The following KCNIP4 variants were observed in gnomAD, a reference collection of about 807,000 sequenced individuals.
The protein encoded by KCNIP4 is Kv channel-interacting protein 4.
A neutral mutation model predicts 34.0 loss-of-function variants in KCNIP4; 12 were observed. The ratio of observed to expected loss-of-function variants is 0.35; its 90% CI spans 0.23 to 0.57. KCNIP4 has a LOEUF of 0.57. KCNIP4 is among the 20% of genes least tolerant of loss of function. The pLI is 0.83. For synonymous variants in KCNIP4, 124 were observed against 102.2 expected, an observed-to-expected ratio of 1.21 and a Z score of -1.29; for missense variants, 238 against 311.7, an observed-to-expected ratio of 0.76 and a Z score of 1.78.
At chr4:20,973,997 T>TA (rs1465450646) in intron 1 of KCNIP4, among the ~76,000 whole-genome samples, 3 of 152,042 alleles carry the variant, frequency 2.0e-5, no homozygotes, top group Non-Finnish European at 2.9e-5. Flanking sequence ...TGAAATACCG[T>TA]AAAAAATTCC....
chr4:21,613,188 A>C (rs965445721), intron 1 of KCNIP4: 1 of 152,248 alleles, frequency 6.6e-6, no homozygotes, highest in Non-Finnish European at 1.5e-5. Context: ...TCCTACACCC[A>C]TGCCCTTGGA....
At chr4:21,154,193 C>T (rs115485579) in intron 1 of KCNIP4, among the ~76,000 whole-genome samples, 2,867 of 152,240 alleles carry the variant, frequency 0.019, 56 homozygotes, top group Non-Finnish European at 0.026. Flanking sequence ...TATCAATTCT[C>T]AGTTCACCAC....
At chr4:20,775,249 GCTC>G (rs1418374821) in intron 3 of KCNIP4, among the ~76,000 whole-genome samples, 1 of 152,186 alleles carries the variant, frequency 6.6e-6, no homozygotes, top group African/African-American at 2.4e-5. Flanking sequence ...AAAATCTTGT[GCTC>G]CTATCTCCAA....
intron 1 of KCNIP4, among the ~76,000 whole-genome samples, chr4:21,427,551 G>T (rs575237735): frequency 6.6e-6 from 1 of 152,240 alleles, no homozygotes; most frequent in Non-Finnish European, 1.5e-5. Flanking sequence ...CAGGGAGCAG[G>T]CTTGGTCTTC....
At chr4:20,785,589 G>A (rs1711874881) in intron 3 of KCNIP4, among the ~76,000 whole-genome samples, 2 of 152,086 alleles carry the variant, frequency 1.3e-5, no homozygotes, top group Non-Finnish European at 2.9e-5. Context: ...TCTAAGATCA[G>A]TGATGCTATT....
chr4:21,887,352 CAGAA>C (rs1372557121), intron 1 of KCNIP4, among the ~76,000 whole-genome samples: 10 of 152,050 alleles, frequency 6.6e-5, no homozygotes, highest in African/African-American at 2.4e-4. Context: ...TGGAGGGGCG[CAGAA>C]AGAGTTAGCT....
intron 1 of KCNIP4, among the ~76,000 whole-genome samples, chr4:21,685,153 T>C (rs1332424204): frequency 1.3e-5 from 2 of 152,198 alleles, no homozygotes; most frequent in African/African-American, 4.8e-5. Context: ...TTGAACATTT[T>C]AAAATCAATA....
At chr4:21,371,638 A>T (rs1227739837) in intron 1 of KCNIP4, among the ~76,000 whole-genome samples, 1 of 147,192 alleles carries the variant, frequency 6.8e-6, no homozygotes, top group Non-Finnish European at 1.5e-5. Context: ...TGTTCTCACT[A>T]AATGTTAGTT....
chr4:21,457,545 C>A (rs1261064263), intron 1 of KCNIP4, among the ~76,000 whole-genome samples: 2 of 152,018 alleles, frequency 1.3e-5, no homozygotes, highest in Non-Finnish European at 2.9e-5. Context: ...CATAGCTCTT[C>A]TGGTATTGGG....
intron 1 of KCNIP4, among the ~76,000 whole-genome samples, chr4:21,332,583 C>A (rs1052607149): frequency 5.3e-5 from 8 of 152,110 alleles, no homozygotes; most frequent in African/African-American, 1.9e-4. Flanking sequence ...GGCACAGCAA[C>A]CCTGACTTGG....
chr4:21,203,759 T>C (rs764795344), intron 1 of KCNIP4, among the ~76,000 whole-genome samples: 1 of 152,244 alleles, frequency 6.6e-6, no homozygotes, highest in African/African-American at 2.4e-5. Flanking sequence ...CTATGTCTTA[T>C]GAATGTCTTA....
chr4:21,400,552 TC>T (rs755744210), intron 1 of KCNIP4, among the ~76,000 whole-genome samples: 3,661 of 112,256 alleles, frequency 0.033, 113 homozygotes, highest in Non-Finnish European at 0.047. Context: ...TCTCTTCTCT[TC>T]TCTTCTCTTC....
At chr4:20,843,840 C>T (rs947474222) in intron 3 of KCNIP4, among the ~76,000 whole-genome samples, 6 of 152,152 alleles carry the variant, frequency 3.9e-5, no homozygotes, top group Non-Finnish European at 7.3e-5. Flanking sequence ...TGATTTTTGC[C>T]ATTGAAAGTA....
chr4:21,569,566 G>C (rs910098141), intron 1 of KCNIP4, among the ~76,000 whole-genome samples: 3 of 152,062 alleles, frequency 2.0e-5, no homozygotes, highest in African/African-American at 7.2e-5. Context: ...AGCACTATGA[G>C]AGGATAAAAG....
At chr4:21,820,769 GT>G (rs915279193) in intron 1 of KCNIP4, among the ~76,000 whole-genome samples, 6 of 152,174 alleles carry the variant, frequency 3.9e-5, no homozygotes, top group Non-Finnish European at 8.8e-5. Context: ...GATCATTAAA[GT>G]TTTTTCTTCT....
chr4:21,803,589 T>C (rs1441311191), intron 1 of KCNIP4, among the ~76,000 whole-genome samples: 1 of 152,146 alleles, frequency 6.6e-6, no homozygotes, highest in East Asian at 1.9e-4. Context: ...TACCCTGCCC[T>C]CTATTGCTAC....
intron 3 of KCNIP4, among the ~76,000 whole-genome samples, chr4:20,798,451 C>A (rs549712094): frequency 1.3e-5 from 2 of 152,106 alleles, no homozygotes; most frequent in East Asian, 3.9e-4. Flanking sequence ...CTTGGAGTGA[C>A]ATCAACAAGA....
At chr4:21,330,286 A>C (rs1296186807) in intron 1 of KCNIP4, among the ~76,000 whole-genome samples, 1 of 152,196 alleles carries the variant, frequency 6.6e-6, no homozygotes, top group Non-Finnish European at 1.5e-5. Context: ...TTATAGCATA[A>C]ATTGATCAGC....
chr4:20,743,595 C>T (rs571155029), intron 5 of KCNIP4, among the ~76,000 whole-genome samples: 1 of 152,260 alleles, frequency 6.6e-6, no homozygotes, highest in South Asian at 2.1e-4. Flanking sequence ...GGATCCCTTC[C>T]TTACACTTTA....
Sources: allele counts gnomAD v4.1 joint callset (sites outside exome capture counted in the v4.1 genomes callset), GRCh38; gene constraint gnomAD v4.1.1; transcripts MANE v1.5; gene names NCBI Gene and HGNC (gene_info 2026-07-23, HGNC 2026-07-21).